Variants in RANBP2 observed in about 807,000 individuals in gnomAD.
RANBP2 encodes E3 SUMO-protein ligase RanBP2.
RANBP2 carries 57 observed loss-of-function variants against 303.6 expected under a neutral mutation model. That is an observed-to-expected ratio of 0.19 (90% CI 0.15 to 0.23). The LOEUF (loss-of-function observed/expected upper bound fraction) is 0.23. RANBP2 is among the 10% of genes least tolerant of loss of function. The pLI is 1.00. For synonymous variants in RANBP2, 1,167 were observed against 1,301.5 expected (o/e 0.90, Z 2.23); for missense variants, 3,138 against 3,780.8 (o/e 0.83, Z 4.46).
At chr2:109,182,471 A>ATAGTTT in the RANBP2 span, among the ~76,000 whole-genome samples, 8 of 152,202 alleles carry the variant, frequency 5.3e-5, no homozygotes, top group African/African-American at 1.7e-4. Flanking sequence ...CACTCAAACT[A>ATAGTTT]TAGTGTCCCA....
At chr2:109,692,523 G>A in the RANBP2 span, among the ~76,000 whole-genome samples, 91 of 152,280 alleles carry the variant, frequency 6.0e-4, no homozygotes, top group South Asian at 2.1e-3. Context: ...CTGAGAGGCC[G>A]TCTGCTTCTC....
chr2:108,786,668 C>A (rs1032299995), downstream of RANBP2: 8 of 664,624 alleles, frequency 1.2e-5, no homozygotes, highest in African/African-American at 1.9e-5. Flanking sequence ...ACAAGCCGGG[C>A]TGCAGTCTCC....
intron 7 of RANBP2, among the ~76,000 whole-genome samples, chr2:108,741,975 G>C (rs1696140837): frequency 1.3e-5 from 2 of 151,948 alleles, no homozygotes. Flanking sequence ...TACTTTTAGA[G>C]AAGGCGCCTC....
the RANBP2 span, among the ~76,000 whole-genome samples, chr2:109,270,251 A>G: frequency 6.6e-6 from 1 of 152,176 alleles, no homozygotes; most frequent in Admixed American, 6.5e-5. Flanking sequence ...TTAGGCTGGA[A>G]CACCTGAAGC....
chr2:109,371,798 T>G, the RANBP2 span: 4 of 826,088 alleles, frequency 4.8e-6, no homozygotes, highest in South Asian at 1.6e-5. Flanking sequence ...TCCTCCACAA[T>G]AGCCTCTGGC....
At chr2:109,608,556 C>T in the RANBP2 span, among the ~76,000 whole-genome samples, 5 of 152,138 alleles carry the variant, frequency 3.3e-5, no homozygotes, top group Non-Finnish European at 7.3e-5. Context: ...GCTGGGGAGC[C>T]CATCCTACCT....
the RANBP2 span, among the ~76,000 whole-genome samples, chr2:109,596,038 T>A: frequency 2.0e-5 from 3 of 152,142 alleles, no homozygotes; most frequent in African/African-American, 4.8e-5. Flanking sequence ...GTTTAATATT[T>A]ATTTTATTTT....
chr2:109,567,565 T>A, the RANBP2 span, among the ~76,000 whole-genome samples: 2 of 152,156 alleles, frequency 1.3e-5, no homozygotes, highest in Non-Finnish European at 2.9e-5. Context: ...TATATCCCAG[T>A]CTCACAAATC....
chr2:109,083,908 C>T, the RANBP2 span, among the ~76,000 whole-genome samples: 2 of 152,164 alleles, frequency 1.3e-5, no homozygotes, highest in Non-Finnish European at 2.9e-5. Flanking sequence ...GTGCCCCAAA[C>T]CCCACCCGGT....
the RANBP2 span, among the ~76,000 whole-genome samples, chr2:109,154,168 T>C: frequency 5.9e-5 from 9 of 152,194 alleles, no homozygotes; most frequent in Admixed American, 4.6e-4. Flanking sequence ...CAAAATGTCA[T>C]CCCTACATGG....
the RANBP2 span, among the ~76,000 whole-genome samples, chr2:109,386,813 A>T: frequency 6.6e-6 from 1 of 152,170 alleles, no homozygotes; most frequent in Non-Finnish European, 1.5e-5. Flanking sequence ...TTAAAAAATG[A>T]CTGCATTCTC....
At chr2:109,393,419 C>G in the RANBP2 span, among the ~76,000 whole-genome samples, 1 of 152,216 alleles carries the variant, frequency 6.6e-6, no homozygotes, top group African/African-American at 2.4e-5. Flanking sequence ...CAACAGCCCA[C>G]ACCTATTGAG....
the RANBP2 span, among the ~76,000 whole-genome samples, chr2:108,979,926 G>T: frequency 6.6e-6 from 1 of 152,126 alleles, no homozygotes. Flanking sequence ...GCAGGGTGCT[G>T]TGGCTCTATT....
the RANBP2 span, among the ~76,000 whole-genome samples, chr2:109,232,732 G>A: frequency 6.6e-6 from 1 of 152,190 alleles, no homozygotes; most frequent in Non-Finnish European, 1.5e-5. Context: ...GGAACCAGGA[G>A]CTCTATGAGC....
chr2:109,457,090 C>G, the RANBP2 span, among the ~76,000 whole-genome samples: 2 of 152,222 alleles, frequency 1.3e-5, no homozygotes, highest in Non-Finnish European at 2.9e-5. Context: ...TTCCATGCCT[C>G]AGTTTCCACA....
chr2:109,106,874 A>C, the RANBP2 span, among the ~76,000 whole-genome samples: 1 of 151,618 alleles, frequency 6.6e-6, no homozygotes, highest in Non-Finnish European at 1.5e-5. Flanking sequence ...AGTAATCCTA[A>C]TCCCTTAGTG....
chr2:109,150,815 G>A, the RANBP2 span, among the ~76,000 whole-genome samples: 9 of 152,164 alleles, frequency 5.9e-5, no homozygotes, highest in African/African-American at 1.9e-4. Flanking sequence ...TTCAGACTTG[G>A]GGAGAAATTA....
At chr2:108,959,360 C>T in the RANBP2 span, among the ~76,000 whole-genome samples, 1 of 152,188 alleles carries the variant, frequency 6.6e-6, no homozygotes, top group East Asian at 1.9e-4. Context: ...GCAAGACATG[C>T]AGCAGAGAAA....
chr2:109,737,529 G>C, the RANBP2 span: 1 of 546,566 alleles, frequency 1.8e-6, no homozygotes, highest in African/African-American at 1.9e-5. Flanking sequence ...CATGGCAGTA[G>C]TGGAGGCAGA....
Sources: allele counts gnomAD v4.1 joint callset (sites outside exome capture counted in the v4.1 genomes callset), GRCh38; gene constraint gnomAD v4.1.1; transcripts MANE v1.5; gene names NCBI Gene and HGNC (gene_info 2026-07-23, HGNC 2026-07-21).